LAMB1: variants seen among roughly 807,000 people sequenced by gnomAD.
The protein encoded by LAMB1 is laminin subunit beta 1, also known as laminin subunit beta-1.
LAMB1 carries 121 observed loss-of-function variants against 222.3 expected under a neutral mutation model. The observed-to-expected ratio is 0.54, with a 90% confidence interval of 0.47 to 0.63. The LOEUF (loss-of-function observed/expected upper bound fraction) is 0.63, where lower values mean the gene tolerates loss of function less well. LAMB1 is among the 30% of genes least tolerant of loss of function. The probability of loss-of-function intolerance (pLI) is 0.00; values close to 1 mark genes in which losing one functional copy is unlikely to be tolerated. For synonymous variants in LAMB1, 794 were observed against 807.2 expected (o/e 0.98, Z 0.28); for missense variants, 2,172 against 2,240.8 (o/e 0.97, Z 0.62).
chr7:107,932,038 G>C, intron 28 of LAMB1, 136 bp downstream of exon 28: 1 of 833,566 alleles, frequency 1.2e-6, no homozygotes, highest in Non-Finnish European at 2.0e-6. Flanking sequence ...ACAGAAACAT[G>C]AACTTTCATA....
Position 107,926,375 on chromosome 7 carries a change from T to C in LAMB1, c.4888-16A>G. 1 of 1,607,794 alleles carries C rather than the reference T, an allele frequency of 6.2e-7. No homozygotes were observed. The highest frequency in any genetic ancestry group is 1.7e-4 in the Middle Eastern group (1 of 6,018). ...CAGACTCAATCTAAAAGCATGTCAA[T>C]TTTCCAGCAAGACATTAGTTTAAGA... On this transcript the variant is annotated splice_polypyrimidine_tract_variant and intron_variant, in intron 31 of 33. Coordinates refer to ENST00000222399, the MANE Select transcript of LAMB1 (RefSeq NM_002291.3).
intron 24 of LAMB1, among the ~76,000 whole-genome samples, chr7:107,945,610 A>G (rs1254979060): frequency 1.3e-5 from 2 of 152,214 alleles, no homozygotes; most frequent in Admixed American, 1.3e-4. Context: ...GCTTGTGGAA[A>G]CAGCTGGGAC....
At chr7:107,997,584 G>C (rs991270285) in intron 4 of LAMB1, among the ~76,000 whole-genome samples, 1 of 152,182 alleles carries the variant, frequency 6.6e-6, no homozygotes, top group African/African-American at 2.4e-5. Flanking sequence ...TTAACGGCCA[G>C]GGTTAGGTTC....
chr7:107,955,258 T>C (rs2033349634), intron 21 of LAMB1, among the ~76,000 whole-genome samples: 1 of 152,222 alleles, frequency 6.6e-6, no homozygotes, highest in Non-Finnish European at 1.5e-5. Flanking sequence ...TTTCCTGCTT[T>C]GTGTTATAAC....
chr7:107,991,361 G>T (rs1238194463), intron 5 of LAMB1, among the ~76,000 whole-genome samples: 1 of 152,160 alleles, frequency 6.6e-6, no homozygotes, highest in African/African-American at 2.4e-5. Flanking sequence ...GCAGAGGCAG[G>T]TGGATCACTT....
chr7:107,975,803 C>A lies in LAMB1; in HGVS notation c.1075G>T (p.Gly359Ter). The change falls in exon 10 of 34, where the codon GGA becomes TGA. Residue 359 changes from glycine to a stop codon, truncating the protein, a stop_gained. Transcript: ENST00000222399. LOFTEE classifies it high-confidence loss of function. The part of the protein sequence containing the change: ...AVYLATGNVS[G>*]GVCDDCQHNT... Reference sequence around the variant, plus strand: ...TGCTGACAGTCATCACACACGCCTCCGCTGACGTTCCCCGTGGCCAGGTAA... The same window carrying A: ...TGCTGACAGTCATCACACACGCCTCAGCTGACGTTCCCCGTGGCCAGGTAA... 6.2e-7 allele frequency: 1 copy of A among 1,613,978 alleles called. No individual in the cohort carries two copies. Among genetic ancestry groups the A allele is most frequent in the Non-Finnish European group, 8.5e-7 (1 of 1,179,984 alleles).
chr7:107,981,120 T>C (rs2033964006), intron 7 of LAMB1, among the ~76,000 whole-genome samples: 1 of 152,132 alleles, frequency 6.6e-6, no homozygotes, highest in South Asian at 2.1e-4. Flanking sequence ...GAGACCTGCC[T>C]GGCCAACATG....
intron 5 of LAMB1, among the ~76,000 whole-genome samples, chr7:107,988,558 T>G (rs2150448155): frequency 6.6e-6 from 1 of 152,318 alleles, no homozygotes; most frequent in African/African-American, 2.4e-5. Context: ...TACCCCTCAT[T>G]ACATTCTTTA....
At chr7:107,981,956 C>A (rs557401352) in intron 7 of LAMB1, among the ~76,000 whole-genome samples, 1 of 152,192 alleles carries the variant, frequency 6.6e-6, no homozygotes, top group East Asian at 1.9e-4. Context: ...CTTTTTTGTC[C>A]CAGTTTTACA....
chr7:107,978,703 T>A (rs1340453845), intron 8 of LAMB1, among the ~76,000 whole-genome samples: 2 of 152,194 alleles, frequency 1.3e-5, no homozygotes, highest in African/African-American at 4.8e-5. Flanking sequence ...AGTAAAATTT[T>A]AAAAATTAAT....
chr7:107,978,264 C>G (rs1486644159), intron 8 of LAMB1, 97 bp from the exon 9 acceptor site: 1 of 1,347,694 alleles, frequency 7.4e-7, no homozygotes, highest in Non-Finnish European at 1.0e-6. Flanking sequence ...CTTTTTCATA[C>G]TAATCTCTAG....
chr7:107,966,900 A>G (rs2033647725), intron 13 of LAMB1, among the ~76,000 whole-genome samples: 1 of 152,230 alleles, frequency 6.6e-6, no homozygotes. Context: ...GCCAATCACA[A>G]GTCTGTGTCC....
intron 32 of LAMB1, among the ~76,000 whole-genome samples, chr7:107,925,911 A>AAC (rs778469277): frequency 4.0e-5 from 6 of 151,454 alleles, no homozygotes; most frequent in African/African-American, 1.5e-4. Context: ...AAAAAAAAAA[A>AAC]AAGCCTGTTT....
rs530015699 is a variant in LAMB1, at chr7:107,980,473, T to C, written c.879+136A>G. On this transcript the variant is annotated intron_variant, in intron 8 of 33. Transcript: ENST00000222399. The stretch of plus-strand genomic sequence containing the variant: ...GAAAATCAACAATCAGCTACCTGTA[T>C]GGTGCAAAGGGCTAAATGTAACTCT... The C allele has an allele frequency of 3.5e-5, 23 of 655,282 alleles. No individual in the cohort carries two copies. In the East Asian group the frequency reaches 5.9e-4, roughly 17 times the overall value. 40.6% of individuals were successfully genotyped at this position (655,282 alleles called of 1,614,324 possible). A position where few individuals can be genotyped will look rare whatever the true frequency, so the allele number is the denominator to read the frequency against.
intron 1 of LAMB1, 25 bp downstream of exon 1, chr7:108,003,086 C>T (rs929384947): frequency 8.4e-7 from 1 of 1,195,274 alleles, no homozygotes; most frequent in East Asian, 2.6e-5. Context: ...TGGGGAAAAT[C>T]GTGCAGCCAC....
In LAMB1 at chr7:107,962,934, A is replaced by G; in HGVS notation, c.1828T>C (p.Tyr610His). The G allele has an allele frequency of 1.2e-6, 2 of 1,613,698 alleles. No individual in the cohort carries two copies. Among genetic ancestry groups the G allele is most frequent in the Non-Finnish European group, 1.7e-6 (2 of 1,179,884 alleles). Reference protein sequence around the residue: ...FIDNIPYSMEYDILIRYEPQL... With the variant: ...FIDNIPYSMEHDILIRYEPQL... ...GGCTCGTAGCGAATTAGGATGTCGT[A>G]CTCCATGGAATATGGTATGTTGTCA... The change falls in exon 15 of 34, where the codon TAC becomes CAC. Residue 610 changes from tyrosine (Y) to histidine (H), a missense_variant. By Grantham distance (83) the Tyr-to-His change is moderately conservative. Transcript: ENST00000222399.
intron 24 of LAMB1, among the ~76,000 whole-genome samples, chr7:107,946,430 A>G (rs908430172): frequency 3.9e-5 from 6 of 152,244 alleles, no homozygotes; most frequent in African/African-American, 1.4e-4. Flanking sequence ...TTTTAATGTA[A>G]AAGTTGAAAT....
chr7:107,969,642 C>A (rs2033705317), intron 13 of LAMB1, among the ~76,000 whole-genome samples: 2 of 152,144 alleles, frequency 1.3e-5, no homozygotes, highest in Non-Finnish European at 1.5e-5. Flanking sequence ...TGTTGTGTGA[C>A]CATCATAGTG....
chr7:107,995,062 A>G (rs1267404445), intron 4 of LAMB1, 102 bp from the exon 5 acceptor site: 2 of 643,564 alleles, frequency 3.1e-6, no homozygotes, highest in Non-Finnish European at 5.4e-6. Context: ...TGTTCCCCAT[A>G]GAAATTATCC....
Sources: allele counts gnomAD v4.1 joint callset (sites outside exome capture counted in the v4.1 genomes callset), GRCh38; gene constraint gnomAD v4.1.1; transcripts MANE v1.5; gene names NCBI Gene and HGNC (gene_info 2026-07-23, HGNC 2026-07-21).